Variants in KDM1B observed in about 807,000 individuals in gnomAD.
The protein encoded by KDM1B is lysine-specific histone demethylase 2.
Under a neutral mutation model 107.4 loss-of-function variants are expected in KDM1B, and 63 were observed. The ratio of observed to expected loss-of-function variants is 0.59; its 90% CI spans 0.48 to 0.72. The LOEUF is 0.72. Among genes scored for constraint, KDM1B ranks in the 30% least tolerant of loss-of-function variants. The pLI, the probability that KDM1B is intolerant of heterozygous loss-of-function variation, is 0.00. For missense variants in KDM1B, 749 were observed against 1,020.8 expected (o/e 0.73, Z 3.63); for synonymous variants, 363 against 363.9 (o/e 1.00, Z 0.03).
rs746597398 is a variant in KDM1B at position 18,203,541 on chromosome 6, T to G, written c.1531+1884T>G. Among the ~76,000 whole-genome samples the G allele has an allele frequency of 3.0e-4, 45 of 152,276 alleles. No homozygotes were observed. Among genetic ancestry groups the G allele is most frequent in the Admixed American group, 1.1e-3 (17 of 15,286 alleles). On this transcript the variant is annotated intron_variant, in intron 14 of 21. Transcript: ENST00000650836. This position sits in a 1 kb window ranked among gnomAD's most constrained non-coding sequence, Gnocchi z 5.5. Reference sequence around the variant, plus strand: ...AGAAAGCATGTGCACTAAAGCTGTTTTAAATATTATTTACATAAAAATCAC... The same window carrying G: ...AGAAAGCATGTGCACTAAAGCTGTTGTAAATATTATTTACATAAAAATCAC...
At chr6:18,181,776 C>G (rs1383982757) in intron 7 of KDM1B, among the ~76,000 whole-genome samples, 1 of 152,008 alleles carries the variant, frequency 6.6e-6, no homozygotes, top group Non-Finnish European at 1.5e-5. Flanking sequence ...TGAAATCACT[C>G]TAACTTGAAA....
Position 18,217,726 on chromosome 6 carries a change from G to A in KDM1B, c.2233-7G>A, listed in dbSNP as rs374133173. 10 of 1,610,184 alleles carry A rather than the reference G, an allele frequency of 6.2e-6. No individual in the cohort carries two copies. The highest frequency in any genetic ancestry group is 1.3e-5 in the African/African-American group (1 of 74,310). ...CCTACTTCATAATTCCTTTCTATTG[G>A]ACATAGGAGGTCCCAGATCCCACAA... On this transcript the variant is annotated splice_polypyrimidine_tract_variant and splice_region_variant and intron_variant, in intron 20 of 21. Coordinates refer to ENST00000650836, the MANE Select transcript of KDM1B (RefSeq NM_001364614.2).
intron 21 of KDM1B, among the ~76,000 whole-genome samples, chr6:18,220,379 T>A (rs1019793712): frequency 2.0e-5 from 3 of 152,108 alleles, no homozygotes; most frequent in African/African-American, 7.2e-5. Context: ...TGAAACCCCG[T>A]CACTACTAAA....
chr6:18,213,992 TC>T lies in KDM1B; in HGVS notation c.2109+214del, dbSNP rs1313822239. ...TGTCTTCTTAAAGTCCTCATGTTGC[TC>T]CCTGGGACATGAATTGGATGCTTGT... is the stretch of plus-strand genomic sequence containing the variant. On this transcript the variant is annotated intron_variant, in intron 19 of 21. Transcript: ENST00000650836. The surrounding 1 kb of genome is among the most constrained non-coding windows in gnomAD (Gnocchi z 5.9). Among the ~76,000 whole-genome samples the T allele has an allele frequency of 6.6e-6, 1 of 152,150 alleles. No homozygotes were observed.
At position 18,203,852 on chromosome 6, in the gene KDM1B, CAAA is replaced by C. The variant is rs11323463; in HGVS notation, c.1532-1669_1532-1667del. Among the ~76,000 whole-genome samples the C allele has an allele frequency of 7.7e-4, 102 of 131,638 alleles. No homozygotes were observed. Among genetic ancestry groups the C allele is most frequent in the Admixed American group, 1.7e-3 (23 of 13,286 alleles). The allele number at this position is 131,638 out of a possible 152,430, so 86.4% of individuals were successfully genotyped here. A position where few individuals can be genotyped will look rare whatever the true frequency, so the allele number is the denominator to read the frequency against. On this transcript the variant is annotated intron_variant, in intron 14 of 21. Transcript: ENST00000650836. The surrounding 1 kb of genome is among the most constrained non-coding windows in gnomAD (Gnocchi z 5.5). ...TTGATGACAAGCGAAACTCCGTCTCCAAAAAAAAAAAAAAAAAATCACATTGAG... is the reference window on the plus strand; with the variant it reads ...TTGATGACAAGCGAAACTCCGTCTCCAAAAAAAAAAAAAAATCACATTGAG...
At chr6:18,194,005 C>T (rs531788928) in intron 10 of KDM1B, among the ~76,000 whole-genome samples, 1 of 152,204 alleles carries the variant, frequency 6.6e-6, no homozygotes, top group East Asian at 1.9e-4. Flanking sequence ...TCCTGAGTAG[C>T]TGGGATTACA....
chr6:18,166,635 C>T (rs911926061), intron 6 of KDM1B, among the ~76,000 whole-genome samples: 4 of 151,992 alleles, frequency 2.6e-5, no homozygotes, highest in African/African-American at 7.2e-5. Context: ...GCTTTGCGCC[C>T]AGCCTGGGCA....
At chr6:18,175,266 G>GT (rs1785916228) in intron 7 of KDM1B, among the ~76,000 whole-genome samples, 1 of 152,238 alleles carries the variant, frequency 6.6e-6, no homozygotes, top group South Asian at 2.1e-4. Context: ...TCATATGTTT[G>GT]TTGGCCATTT....
rs746168998 is a variant in KDM1B at position 18,166,306 on chromosome 6, A to C, written c.345A>C (p.Lys115Asn). ...DGYDKYTTWKKIWTSNGKTEP... is the reference protein window; with the variant it reads ...DGYDKYTTWKNIWTSNGKTEP... ...ATGACAAATATACTACATGGAAAAAAATATGGACTAGCAATGGCAAAACCG... is the reference window on the plus strand; with the variant it reads ...ATGACAAATATACTACATGGAAAAACATATGGACTAGCAATGGCAAAACCG... Residue 115 changes from lysine (K) to asparagine (N), a missense_variant, in exon 6 of 22, where the codon AAA becomes AAC. Coordinates refer to ENST00000650836, the MANE Select transcript of KDM1B (RefSeq NM_001364614.2). 2.1e-5 allele frequency: 34 copies of C among 1,612,130 alleles called. No individual in the cohort carries two copies. The highest frequency in any genetic ancestry group is 2.0e-4 in the Admixed American group (12 of 60,026).
intron 9 of KDM1B, among the ~76,000 whole-genome samples, chr6:18,188,259 A>G (rs1288015550): frequency 6.6e-6 from 1 of 152,198 alleles, no homozygotes; most frequent in African/African-American, 2.4e-5. Context: ...TTAAAAATGT[A>G]TGCGACCTAT....
At chr6:18,177,279 A>C (rs1786084562) in intron 7 of KDM1B, among the ~76,000 whole-genome samples, 2 of 151,916 alleles carry the variant, frequency 1.3e-5, no homozygotes, top group African/African-American at 4.8e-5. Context: ...GCCTCGAATG[A>C]TCTTTTGTAT....
At chr6:18,176,067 T>G (rs1415229455) in intron 7 of KDM1B, among the ~76,000 whole-genome samples, 2 of 152,242 alleles carry the variant, frequency 1.3e-5, no homozygotes, top group African/African-American at 4.8e-5. Context: ...TATGGTCATT[T>G]TCACAACATT....
intron 10 of KDM1B, among the ~76,000 whole-genome samples, chr6:18,193,888 T>C (rs1484462169): frequency 6.6e-5 from 10 of 151,796 alleles, no homozygotes; most frequent in African/African-American, 2.4e-4. Context: ...TTTTTTTTTT[T>C]TTAAGACAGA....
intron 6 of KDM1B, among the ~76,000 whole-genome samples, chr6:18,167,056 G>A (rs1396841918): frequency 6.6e-6 from 1 of 151,654 alleles, no homozygotes; most frequent in African/African-American, 2.4e-5. Context: ...GTAATGTTTA[G>A]CTTTTTAAAA....
intron 2 of KDM1B, among the ~76,000 whole-genome samples, chr6:18,158,488 T>C (rs1784776634): frequency 1.3e-5 from 2 of 152,138 alleles, no homozygotes; most frequent in Non-Finnish European, 2.9e-5. Flanking sequence ...TATGAAACAA[T>C]AGGATTACAA....
At position 18,201,475 on chromosome 6, in the gene KDM1B, T is replaced by C. The variant is rs1301108224; in HGVS notation, c.1360-11T>C. On this transcript the variant is annotated splice_polypyrimidine_tract_variant and intron_variant, in intron 13 of 21. Transcript: ENST00000650836. The surrounding 1 kb of genome is among the most constrained non-coding windows in gnomAD (Gnocchi z 4.3). ...GAAAATTTTCACCTTCTTATTCTTA[T>C]TATTTTGAAGCTTGGCATCAGCATG... 6.5e-6 allele frequency: 10 copies of C among 1,540,634 alleles called. No homozygotes were observed. Among genetic ancestry groups the C allele is most frequent in the South Asian group, 2.4e-5 (2 of 82,388 alleles).
In KDM1B at chr6:18,222,355, C is replaced by T; in HGVS notation, c.*363C>T. The T allele has an allele frequency of 2.9e-6, 1 of 341,098 alleles. No individual in the cohort carries two copies. Among genetic ancestry groups the T allele is most frequent in the Non-Finnish European group, 5.7e-6 (1 of 175,738 alleles). 21.1% of individuals were successfully genotyped at this position (341,098 alleles called of 1,614,324 possible). A position where few individuals can be genotyped will look rare whatever the true frequency, so the allele number is the denominator to read the frequency against. ...GATCAATTTTCATACATTGAGAAAC[C>T]AAGTCAATCAAGCAGGAATCATTTA... On this transcript the variant is annotated 3_prime_UTR_variant, in exon 22 of 22. Transcript: ENST00000650836.
At chr6:18,199,498 T>C (rs574592246) in intron 12 of KDM1B, among the ~76,000 whole-genome samples, 10 of 152,222 alleles carry the variant, frequency 6.6e-5, no homozygotes, top group African/African-American at 9.6e-5. Context: ...CTGCGATGAA[T>C]AGGACTCACA....
chr6:18,216,140 C>T (rs1376932760), intron 20 of KDM1B, among the ~76,000 whole-genome samples: 1 of 152,126 alleles, frequency 6.6e-6, no homozygotes, highest in African/African-American at 2.4e-5. Context: ...AGTGCAGTGG[C>T]ACAATCTTGG....
Sources: allele counts gnomAD v4.1 joint callset (sites outside exome capture counted in the v4.1 genomes callset), GRCh38; gene constraint gnomAD v4.1.1; non-coding constraint Gnocchi (gnomAD v3.1); transcripts MANE v1.5; gene names NCBI Gene and HGNC (gene_info 2026-07-23, HGNC 2026-07-21).